CCT8: variants seen among roughly 807,000 people sequenced by gnomAD.
CCT8 encodes chaperonin containing TCP1 subunit 8.
A neutral mutation model predicts 65.7 loss-of-function variants in CCT8; 10 were observed. The ratio of observed to expected loss-of-function variants is 0.15; its 90% CI spans 0.09 to 0.26. The LOEUF is 0.26. Ranked by LOEUF, CCT8 falls within the 10% of genes least tolerant of loss-of-function variation. The probability of loss-of-function intolerance (pLI) is 1.00; values close to 1 mark genes in which losing one functional copy is unlikely to be tolerated. For synonymous variants in CCT8, 199 were observed against 221.8 expected, an observed-to-expected ratio of 0.90 and a Z score of 0.92; for missense variants, 568 against 669.1, an observed-to-expected ratio of 0.85 and a Z score of 1.67.
chr21:29,065,002 G>C lies in CCT8; in HGVS notation c.728C>G (p.Ser243Cys). Residue 243 changes from serine to cysteine, a missense_variant, in exon 7 of 15, where the codon TCT (serine) becomes TGT (cysteine). By Grantham distance (112) the Ser-to-Cys change is moderately radical. Transcript: ENST00000286788. ...SVKDAKIAVY[S>C]CPFDGMITET... ...TGTTATCATGCCATCAAAAGGACAA[G>C]AGTACACTGCTATTTTTGCATCTTT... 1.2e-6 allele frequency: 2 copies of C among 1,613,834 alleles called. No homozygotes were observed. The highest frequency in any genetic ancestry group is 1.7e-6 in the Non-Finnish European group (2 of 1,179,830).
chr21:29,061,504 A>G lies in CCT8; in HGVS notation c.1276T>C (p.Tyr426His), dbSNP rs1476232919. The change falls in exon 12 of 15, where the codon TAT (tyrosine) becomes CAT (histidine). Residue 426 changes from tyrosine to histidine, a missense_variant. Coordinates refer to ENST00000286788, the MANE Select transcript of CCT8 (RefSeq NM_006585.4). Reference sequence around the variant, plus strand: ...TACAGAAAAAGCTGTACCTCTCCATATGATGTGATCTGTTTGGCTAATTCA... The same window carrying G: ...TACAGAAAAAGCTGTACCTCTCCATGTGATGTGATCTGTTTGGCTAATTCA... The part of the protein sequence containing the change: ...EIELAKQITS[Y>H]GETCPGLEQY... 1.9e-6 allele frequency: 3 copies of G among 1,613,978 alleles called. No homozygotes were observed. Among genetic ancestry groups the G allele is most frequent in the African/African-American group, 2.7e-5 (2 of 75,028 alleles).
chr21:29,067,146 G>A (rs2085633075), intron 4 of CCT8, 75 bp from the exon 5 acceptor site: 1 of 957,180 alleles, frequency 1.0e-6, no homozygotes, highest in South Asian at 1.8e-5. Flanking sequence ...GCATATGGAT[G>A]TTTATTTTTG....
chr21:29,070,300 A>T lies in CCT8; in HGVS notation c.98T>A (p.Ile33Lys). The T allele has an allele frequency of 6.2e-7, 1 of 1,612,358 alleles. No individual in the cohort carries two copies. Among genetic ancestry groups the T allele is most frequent in the South Asian group, 1.1e-5 (1 of 90,890 alleles). Residue 33 changes from isoleucine to lysine, a missense_variant, in exon 2 of 15, where the codon ATA becomes AAA. Ile to Lys is a moderately radical substitution (Grantham distance 102, BLOSUM62 -3). Transcript: ENST00000286788. ...TTGGGCAAGCTCCTTGCAAGCTTGT[A>T]TGTTTCTATACACAGCCTCTTCTAA... ...SGLEEAVYRN[I>K]QACKELAQTT... is the part of the protein sequence containing the mutation.
chr21:29,061,010 G>A (rs1444581030), intron 13 of CCT8, among the ~76,000 whole-genome samples: 1 of 152,146 alleles, frequency 6.6e-6, no homozygotes, highest in African/African-American at 2.4e-5. Flanking sequence ...TTTTCAATCT[G>A]TGGTTGGTTG....
chr21:29,071,162 G>C (rs73192136), intron 1 of CCT8, among the ~76,000 whole-genome samples: 1 of 152,052 alleles, frequency 6.6e-6, no homozygotes, highest in Non-Finnish European at 1.5e-5. Flanking sequence ...TGGGGCTAGT[G>C]AAAGCAATCA....
rs553058209 is a variant in CCT8, at chr21:29,073,306, T to C, written c.60+225A>G. 7.8e-6 allele frequency: 11 copies of C among 1,407,370 alleles called. No homozygotes were observed. In the South Asian group the frequency reaches 1.2e-4, roughly 15 times the overall value. The allele number at this position is 1,407,370 out of a possible 1,614,324, so 87.2% of individuals were successfully genotyped here. A position where few individuals can be genotyped will look rare whatever the true frequency, so the allele number is the denominator to read the frequency against. The stretch of plus-strand genomic sequence containing the variant: ...CCTTCAAGGTGTACAATGTCGATCG[T>C]GCCGCCGATCCCTCGGCCTTCTCCC... On this transcript the variant is annotated intron_variant, in intron 1 of 14. Transcript: ENST00000286788.
At chr21:29,061,972 CTT>C (rs1343032429) in intron 11 of CCT8, among the ~76,000 whole-genome samples, 154 bp downstream of exon 11, 2 of 152,264 alleles carry the variant, frequency 1.3e-5, no homozygotes, top group South Asian at 2.1e-4. Flanking sequence ...ACAATGGACA[CTT>C]AAGTCTTAGG....
At chr21:29,071,239 T>C (rs766130659) in intron 1 of CCT8, among the ~76,000 whole-genome samples, 12 of 152,192 alleles carry the variant, frequency 7.9e-5, no homozygotes, top group Non-Finnish European at 1.8e-4. Flanking sequence ...ACAGTTCAAA[T>C]GCCCAGTAGC....
chr21:29,073,396 T>G (rs1601099839), intron 1 of CCT8, 135 bp downstream of exon 1: 1 of 1,494,176 alleles, frequency 6.7e-7, no homozygotes, highest in East Asian at 2.4e-5. Context: ...TCACCTCCCT[T>G]TCTGGAATCT....
intron 3 of CCT8, among the ~76,000 whole-genome samples, chr21:29,068,301 TTTA>T (rs1420277789): frequency 6.6e-6 from 1 of 151,922 alleles, no homozygotes; most frequent in Non-Finnish European, 1.5e-5. Context: ...GCCCTGTGAT[TTTA>T]TTATTTTGAC....
intron 13 of CCT8, 37 bp from the exon 14 acceptor site, chr21:29,060,697 C>T: frequency 1.2e-6 from 2 of 1,609,422 alleles, no homozygotes; most frequent in Non-Finnish European, 1.7e-6. Context: ...ATTTAAAATC[C>T]TTTTATGTGA....
At chr21:29,063,916 G>A (rs1294513545) in intron 7 of CCT8, among the ~76,000 whole-genome samples, 2 of 152,076 alleles carry the variant, frequency 1.3e-5, no homozygotes, top group Admixed American at 1.3e-4. Context: ...ACAGGCAAGC[G>A]CCACCACGCC....
Position 29,061,325 on chromosome 21 carries a change from C to G in CCT8, c.1377G>C (p.Lys459Asn). 6.2e-7 allele frequency: 1 copy of G among 1,613,892 alleles called. No individual in the cohort carries two copies. The highest frequency in any genetic ancestry group is 8.5e-7 in the Non-Finnish European group (1 of 1,179,862). The change falls in exon 13 of 15, where the codon AAG becomes AAC. Residue 459 changes from lysine to asparagine, a missense_variant. Transcript: ENST00000286788. ...AAAGTTTAGAGATTACTTCATTGGC[C>G]TTAACTCCAGAGTTTTCTGCCAGTG... ...PRALAENSGVKANEVISKLYA... is the reference protein window; with the variant it reads ...PRALAENSGVNANEVISKLYA...
chr21:29,072,286 T>C (rs71319483), intron 1 of CCT8: 4,385 of 249,106 alleles, frequency 0.018, 60 homozygotes, highest in Non-Finnish European at 0.023. Flanking sequence ...TTAATCATTA[T>C]TTCTGCCTTA....
At chr21:29,073,184 T>A (rs1375516674) in intron 1 of CCT8, 1 of 855,792 alleles carries the variant, frequency 1.2e-6, no homozygotes, top group Non-Finnish European at 1.5e-6. Flanking sequence ...TCATCTACGT[T>A]ATTCAATTTC....
chr21:29,063,277 C>A, intron 8 of CCT8, 75 bp downstream of exon 8: 1 of 1,115,646 alleles, frequency 9.0e-7, no homozygotes. Flanking sequence ...TCTTCATGGT[C>A]TATTTCGTTT....
chr21:29,067,517 CA>C (rs1362595330), intron 4 of CCT8, 38 bp downstream of exon 4: 4 of 1,420,744 alleles, frequency 2.8e-6, no homozygotes, highest in South Asian at 1.8e-5. Flanking sequence ...TATATGTAAG[CA>C]AAAATTTAGT....
intron 1 of CCT8, 84 bp from the exon 2 acceptor site, chr21:29,070,421 T>C (rs1237540889): frequency 4.0e-6 from 3 of 747,414 alleles, no homozygotes; most frequent in Non-Finnish European, 4.3e-6. Flanking sequence ...TCTTTGCTTA[T>C]ATCTTGCCTC....
chr21:29,066,415 C>T (rs1023827410), intron 6 of CCT8, among the ~76,000 whole-genome samples: 1 of 152,122 alleles, frequency 6.6e-6, no homozygotes, highest in African/African-American at 2.4e-5. Context: ...TGGCGCATGC[C>T]TGTAATCCCA....
Sources: gnomAD v4.1 joint callset for allele counts (sites outside exome capture counted in the v4.1 genomes callset) on GRCh38, gnomAD v4.1.1 for gene constraint, MANE v1.5 for transcripts, NCBI Gene and HGNC (gene_info 2026-07-23, HGNC 2026-07-21) for gene names.